PLEKHG1: variants seen among roughly 807,000 people sequenced by gnomAD.
PLEKHG1 encodes the protein pleckstrin homology and RhoGEF domain containing G1.
Under a neutral mutation model 100.8 loss-of-function variants are expected in PLEKHG1, and 44 were observed. That is an observed-to-expected ratio of 0.44 (90% CI 0.34 to 0.56). The LOEUF (loss-of-function observed/expected upper bound fraction) is 0.56, where lower values mean the gene tolerates loss of function less well. Among genes scored for constraint, PLEKHG1 ranks in the 20% least tolerant of loss-of-function variants. The pLI is 0.01. For synonymous variants in PLEKHG1, 640 were observed against 662.5 expected (o/e 0.97, Z 0.52); for missense variants, 1,545 against 1,720.9 (o/e 0.90, Z 1.81).
At chr6:150,811,308 C>T (rs1787514945) in intron 10 of PLEKHG1, among the ~76,000 whole-genome samples, 1 of 150,542 alleles carries the variant, frequency 6.6e-6, no homozygotes, top group African/African-American at 2.4e-5. Context: ...CTTACTCTGT[C>T]GCCCAGGCTG....
At chr6:150,621,437 C>G (rs188123488) in intron 1 of PLEKHG1, among the ~76,000 whole-genome samples, 35 of 151,080 alleles carry the variant, frequency 2.3e-4, no homozygotes, top group Admixed American at 7.3e-4. Flanking sequence ...TACAGTGGCA[C>G]AATCTCGGCT....
At chr6:150,670,872 C>T (rs1779558938) in intron 3 of PLEKHG1, among the ~76,000 whole-genome samples, 1 of 150,502 alleles carries the variant, frequency 6.6e-6, no homozygotes, top group Non-Finnish European at 1.5e-5. Flanking sequence ...ATCCCTTGCC[C>T]CCCCCTCCCA....
At chr6:150,721,283 C>T (rs1401723107) in intron 1 of PLEKHG1, 1 of 552,198 alleles carries the variant, frequency 1.8e-6, no homozygotes, top group African/African-American at 2.0e-5. Context: ...AGAGGTCCAC[C>T]GAGGTGAGAA....
chr6:150,662,395 A>G (rs1779228764), intron 3 of PLEKHG1: 1 of 152,248 alleles, frequency 6.6e-6, no homozygotes, highest in Non-Finnish European at 1.5e-5. Flanking sequence ...GTTTTGGAAC[A>G]AGCTCCATCT....
chr6:150,702,464 C>T (rs1236790083), intron 3 of PLEKHG1, among the ~76,000 whole-genome samples: 7 of 129,488 alleles, frequency 5.4e-5, no homozygotes, highest in East Asian at 2.1e-4. Context: ...AGCAAGACTC[C>T]GTCTCAAAAA....
chr6:150,601,004 C>G (rs117250720), intron 1 of PLEKHG1: 1,979 of 152,364 alleles, frequency 0.013, 21 homozygotes, highest in Middle Eastern at 0.03. Context: ...GCAGGTATCA[C>G]CCCGCGAGGA....
chr6:150,701,451 ATATATATATATATAT>A (rs1780778667), intron 3 of PLEKHG1, among the ~76,000 whole-genome samples: 2 of 75,648 alleles, frequency 2.6e-5, no homozygotes, highest in African/African-American at 1.3e-4. Flanking sequence ...ATATATATAT[ATATATATATATATAT>A]AATTATACTT....
At chr6:150,743,856 G>A (rs1333859644) in intron 2 of PLEKHG1, among the ~76,000 whole-genome samples, 1 of 151,862 alleles carries the variant, frequency 6.6e-6, no homozygotes, top group Non-Finnish European at 1.5e-5. Context: ...ATTGGGTCTA[G>A]CCTAGTTCAA....
intron 2 of PLEKHG1, among the ~76,000 whole-genome samples, chr6:150,642,242 T>G (rs1363204581): frequency 3.3e-5 from 5 of 152,228 alleles, no homozygotes; most frequent in Non-Finnish European, 7.3e-5. Flanking sequence ...AACATTCATT[T>G]TCACTGCTTG....
intron 2 of PLEKHG1, among the ~76,000 whole-genome samples, chr6:150,646,407 C>T (rs1284505847): frequency 6.6e-6 from 1 of 151,828 alleles, no homozygotes; most frequent in Non-Finnish European, 1.5e-5. Context: ...ATGGCTTAGC[C>T]TAATTAATGT....
intron 1 of PLEKHG1, chr6:150,721,208 C>T (rs1179748814): frequency 3.1e-6 from 3 of 979,426 alleles, no homozygotes; most frequent in African/African-American, 3.5e-5. Flanking sequence ...GAGGTAGGTG[C>T]TAATGTGAGT....
At chr6:150,655,707 C>CAAAAAAAAAAAAA (rs775753925) in intron 3 of PLEKHG1, among the ~76,000 whole-genome samples, 1 of 38,376 alleles carries the variant, frequency 2.6e-5, no homozygotes, top group African/African-American at 8.6e-5. Context: ...GACTCCATCT[C>CAAAAAAAAAAAAA]AAAAAAAAAA....
intron 6 of PLEKHG1, among the ~76,000 whole-genome samples, chr6:150,803,321 T>C (rs528440610): frequency 6.6e-6 from 1 of 152,202 alleles, no homozygotes; most frequent in East Asian, 1.9e-4. Flanking sequence ...TCTAATTGAT[T>C]ACAATGTTTT....
At chr6:150,834,447 C>T (rs925927352) in intron 15 of PLEKHG1, among the ~76,000 whole-genome samples, 2 of 152,132 alleles carry the variant, frequency 1.3e-5, no homozygotes, top group Non-Finnish European at 2.9e-5. Flanking sequence ...ATGGGTTATG[C>T]CCACAGACTA....
chr6:150,790,649 C>A (rs915789826), intron 4 of PLEKHG1, among the ~76,000 whole-genome samples: 35 of 152,134 alleles, frequency 2.3e-4, no homozygotes, highest in Admixed American at 2.0e-3. Flanking sequence ...CTAGAAACAG[C>A]CAAATGTCCC....
intron 3 of PLEKHG1, among the ~76,000 whole-genome samples, chr6:150,670,691 G>C (rs1779553969): frequency 6.6e-6 from 1 of 152,210 alleles, no homozygotes; most frequent in Non-Finnish European, 1.5e-5. Context: ...TAAAGGGTCT[G>C]TTGGTTGTTG....
intron 10 of PLEKHG1, among the ~76,000 whole-genome samples, chr6:150,816,844 C>G (rs1054804319): frequency 6.6e-6 from 1 of 152,196 alleles, no homozygotes; most frequent in African/African-American, 2.4e-5. Context: ...ATCACTGCCT[C>G]AGCTCCACTT....
At chr6:150,645,723 C>T (rs1778465066) in intron 2 of PLEKHG1, among the ~76,000 whole-genome samples, 1 of 152,176 alleles carries the variant, frequency 6.6e-6, no homozygotes, top group Admixed American at 6.5e-5. Context: ...GCTATAATTA[C>T]AATTGTGTAG....
At chr6:150,839,694 C>T in intron 15 of PLEKHG1, 139 bp from the exon 17 acceptor site, 1 of 603,592 alleles carries the variant, frequency 1.7e-6, no homozygotes, top group Non-Finnish European at 3.0e-6. Context: ...TCAAAGATTA[C>T]TCATCCTTAG....
Sources: allele counts gnomAD v4.1 joint callset (sites outside exome capture counted in the v4.1 genomes callset), GRCh38; gene constraint gnomAD v4.1.1; transcripts MANE v1.5; gene names NCBI Gene and HGNC (gene_info 2026-07-23, HGNC 2026-07-21).